Variants in HDAC4 observed in about 807,000 individuals in gnomAD.
The protein encoded by HDAC4 is histone deacetylase A.
In HDAC4, 16 loss-of-function variants were observed where a neutral mutation model predicts 135.1. The ratio of observed to expected loss-of-function variants is 0.12; its 90% CI spans 0.08 to 0.18. The LOEUF (loss-of-function observed/expected upper bound fraction) is 0.18. HDAC4 is among the 10% of genes least tolerant of loss of function. The pLI is 1.00. For synonymous variants in HDAC4, 685 were observed against 653.4 expected, an observed-to-expected ratio of 1.05 and a Z score of -0.74; for missense variants, 1,143 against 1,511.8, an observed-to-expected ratio of 0.76 and a Z score of 4.05.
intron 5 of HDAC4, among the ~76,000 whole-genome samples, chr2:239,175,530 T>C (rs1357776275): frequency 2.6e-5 from 4 of 152,206 alleles, no homozygotes; most frequent in African/African-American, 2.4e-5. Flanking sequence ...GTATGAAGTG[T>C]GGGCTCTCCT....
rs117021202 is a variant in HDAC4 at position 239,074,728 on chromosome 2, C to T, written c.2751-6121G>A. On this transcript the variant is annotated intron_variant, in intron 22 of 26. Transcript: ENST00000543185. Reference sequence around the variant, plus strand: ...ACCCGTTTGTGGCGCGACTAAGAAACGTCCCTTCTCCTCCATGGGACATGA... The same window carrying T: ...ACCCGTTTGTGGCGCGACTAAGAAATGTCCCTTCTCCTCCATGGGACATGA... Among the ~76,000 whole-genome samples, 8 of 152,330 alleles carry T rather than the reference C, an allele frequency of 5.3e-5. No homozygotes were observed. In the East Asian group the frequency reaches 1.5e-3, roughly 29 times the overall value.
At chr2:239,126,051 T>C (rs762602842) in intron 12 of HDAC4, among the ~76,000 whole-genome samples, 6 of 152,230 alleles carry the variant, frequency 3.9e-5, no homozygotes, top group African/African-American at 7.2e-5. Flanking sequence ...GTTTACTAAA[T>C]GGCCTTAGGA....
At chr2:239,185,439 C>T (rs2044484786) in intron 4 of HDAC4, among the ~76,000 whole-genome samples, 1 of 151,336 alleles carries the variant, frequency 6.6e-6, no homozygotes, top group Admixed American at 6.6e-5. Context: ...AAAGGTGTGC[C>T]CTGTGGGGGT....
intron 21 of HDAC4, among the ~76,000 whole-genome samples, 169 bp downstream of exon 21, chr2:239,081,933 C>A (rs964430195): frequency 6.6e-6 from 1 of 152,226 alleles, no homozygotes; most frequent in Non-Finnish European, 1.5e-5. Flanking sequence ...CCTGTGCACA[C>A]GCGATACGAT....
rs2052584498 is a variant in HDAC4 at position 239,306,386 on chromosome 2, C to T, written c.22+46292G>A. Among the ~76,000 whole-genome samples the T allele has an allele frequency of 6.6e-6, 1 of 152,132 alleles. No homozygotes were observed. Among genetic ancestry groups the T allele is most frequent in the Non-Finnish European group, 1.5e-5 (1 of 68,022 alleles). The stretch of plus-strand genomic sequence containing the variant: ...ACAGCCTTCCAGTGGACACGAGGAC[C>T]TCAGAGGCCACCTGGCCAGGCCCCA... On this transcript the variant is annotated intron_variant, in intron 2 of 26. Transcript: ENST00000543185. This position sits in a 1 kb window ranked among gnomAD's most constrained non-coding sequence, Gnocchi z 4.5.
At chr2:239,354,415 C>T (rs1693355481) in intron 1 of HDAC4, among the ~76,000 whole-genome samples, 1 of 152,168 alleles carries the variant, frequency 6.6e-6, no homozygotes, top group South Asian at 2.1e-4. Context: ...AGATCAGTCA[C>T]TAGATGAACC....
chr2:239,354,626 C>T (rs1575740177), intron 1 of HDAC4, among the ~76,000 whole-genome samples: 1 of 106,650 alleles, frequency 9.4e-6, no homozygotes, highest in East Asian at 3.1e-4. Flanking sequence ...CTAACCAGTT[C>T]ATCATGTAAA....
rs545728735 is a variant in HDAC4, at chr2:239,211,743, C to T, written c.95-21666G>A. 3.3e-5 allele frequency among the ~76,000 whole-genome samples: 5 copies of T among 152,342 alleles called. No individual in the cohort carries two copies. In the South Asian group the frequency reaches 1.0e-3, roughly 32 times the overall value. On this transcript the variant is annotated intron_variant, in intron 3 of 26. Transcript: ENST00000543185. Reference sequence around the variant, plus strand: ...TGCTTTCACTGAGCTGTCAGATGTTCTTAAGCCATATAACATATTCCCCAG... The same window carrying T: ...TGCTTTCACTGAGCTGTCAGATGTTTTTAAGCCATATAACATATTCCCCAG...
intron 1 of HDAC4, among the ~76,000 whole-genome samples, chr2:239,390,566 T>C (rs2126101419): frequency 6.6e-6 from 1 of 152,000 alleles, no homozygotes; most frequent in South Asian, 2.1e-4. Flanking sequence ...AAGATATATA[T>C]ATATATTGGA....
chr2:239,160,532 C>T (rs938109516), intron 6 of HDAC4, among the ~76,000 whole-genome samples: 7 of 152,206 alleles, frequency 4.6e-5, no homozygotes, highest in Admixed American at 1.3e-4. Flanking sequence ...CTCTCACAGT[C>T]GATTCACTTT....
At chr2:239,332,968 G>A (rs1691685412) in intron 2 of HDAC4, among the ~76,000 whole-genome samples, 2 of 152,114 alleles carry the variant, frequency 1.3e-5, no homozygotes, top group Admixed American at 1.3e-4. Flanking sequence ...CAGATGGAAT[G>A]TAAAAAATTC....
chr2:239,347,180 C>T (rs1486600546), intron 2 of HDAC4, among the ~76,000 whole-genome samples: 1 of 149,680 alleles, frequency 6.7e-6, no homozygotes, highest in African/African-American at 2.4e-5. Flanking sequence ...AAAAATGCAT[C>T]TTTATGGATC....
At chr2:239,111,460 GC>G (rs2038662116) in intron 14 of HDAC4, 65 bp downstream of exon 14, 3 of 1,473,024 alleles carry the variant, frequency 2.0e-6, no homozygotes, top group African/African-American at 2.8e-5. Context: ...GCCGGGAAGA[GC>G]CCCCCGCGCT....
intron 22 of HDAC4, among the ~76,000 whole-genome samples, chr2:239,073,470 A>G (rs900180332): frequency 6.6e-6 from 1 of 152,228 alleles, no homozygotes; most frequent in East Asian, 1.9e-4. Flanking sequence ...GGTGCCCAAG[A>G]CAGGACAGAC....
At chr2:239,378,399 T>A (rs1356089085) in intron 1 of HDAC4, among the ~76,000 whole-genome samples, 1 of 152,108 alleles carries the variant, frequency 6.6e-6, no homozygotes. Flanking sequence ...AACGAAGAGC[T>A]GAGTCACATG....
At chr2:239,341,383 G>A (rs1023192842) in intron 2 of HDAC4, among the ~76,000 whole-genome samples, 1 of 152,260 alleles carries the variant, frequency 6.6e-6, no homozygotes, top group African/African-American at 2.4e-5. Context: ...AGACCGGGAT[G>A]AGGAGACAGG....
intron 4 of HDAC4, among the ~76,000 whole-genome samples, chr2:239,181,732 G>A (rs1225218984): frequency 2.0e-5 from 3 of 152,172 alleles, no homozygotes; most frequent in Non-Finnish European, 4.4e-5. Context: ...CAGCGCACTT[G>A]CACCTAAATA....
At chr2:239,132,227 C>A (rs1439802402) in intron 11 of HDAC4, among the ~76,000 whole-genome samples, 2 of 152,226 alleles carry the variant, frequency 1.3e-5, no homozygotes, top group African/African-American at 4.8e-5. Flanking sequence ...CGCTTAGTAT[C>A]CCCACTTCCT....
At chr2:239,180,676 C>G (rs749927639) in intron 4 of HDAC4, among the ~76,000 whole-genome samples, 2 of 152,254 alleles carry the variant, frequency 1.3e-5, no homozygotes, top group Admixed American at 6.5e-5. Context: ...CAACCTCAAA[C>G]TGGCGCTGGC....
Sources: allele counts gnomAD v4.1 joint callset (sites outside exome capture counted in the v4.1 genomes callset), GRCh38; gene constraint gnomAD v4.1.1; non-coding constraint Gnocchi (gnomAD v3.1); transcripts MANE v1.5; gene names NCBI Gene and HGNC (gene_info 2026-07-23, HGNC 2026-07-21).